The following CUX1 variants were observed in gnomAD, a reference collection of about 807,000 sequenced individuals.
CUX1 encodes the protein cut like homeobox 1.
In CUX1, 31 loss-of-function variants were observed where a neutral mutation model predicts 158.8. That is an observed-to-expected ratio of 0.20 (90% confidence interval 0.15 to 0.26). The LOEUF (loss-of-function observed/expected upper bound fraction) is 0.26, where lower values mean the gene tolerates loss of function less well. Ranked by LOEUF, CUX1 falls within the 10% of genes least tolerant of loss-of-function variation. The pLI, the probability that CUX1 is intolerant of heterozygous loss-of-function variation, is 1.00. For synonymous variants in CUX1, 879 were observed against 862.1 expected (o/e 1.02, Z -0.34); for missense variants, 1,589 against 2,014.6 (o/e 0.79, Z 4.04).
intron 8 of CUX1, among the ~76,000 whole-genome samples, chr7:102,133,711 G>A (rs1182520332): frequency 2.6e-5 from 4 of 151,854 alleles, no homozygotes; most frequent in African/African-American, 9.7e-5. Context: ...TCCTGACCTC[G>A]TGATCCACCC....
chr7:102,060,715 C>T (rs187009712), intron 3 of CUX1, among the ~76,000 whole-genome samples: 105 of 150,876 alleles, frequency 7.0e-4, no homozygotes, highest in Non-Finnish European at 5.2e-4. Flanking sequence ...TGGGTTCAAG[C>T]AATTCTCCTG....
chr7:101,974,231 C>T (rs1812372750), intron 2 of CUX1, among the ~76,000 whole-genome samples: 1 of 151,990 alleles, frequency 6.6e-6, no homozygotes, highest in Non-Finnish European at 1.5e-5. Flanking sequence ...GAATCAGACC[C>T]AAAAAGAACA....
chr7:101,935,503 A>G (rs1486689668), intron 2 of CUX1, among the ~76,000 whole-genome samples: 1 of 152,216 alleles, frequency 6.6e-6, no homozygotes, highest in Non-Finnish European at 1.5e-5. Flanking sequence ...GTGTCCTGCC[A>G]TCGGACATGC....
intron 2 of CUX1, among the ~76,000 whole-genome samples, chr7:101,949,021 G>A (rs189692868): frequency 8.4e-4 from 128 of 152,366 alleles, no homozygotes; most frequent in African/African-American, 3.0e-3. Context: ...TGACATCCAA[G>A]TGGCATTTTA....
chr7:102,016,904 C>CG (rs1172624640), intron 2 of CUX1, among the ~76,000 whole-genome samples: 1 of 152,172 alleles, frequency 6.6e-6, no homozygotes, highest in Non-Finnish European at 1.5e-5. Flanking sequence ...TGGCAAAAGT[C>CG]GGAGTCACAC....
At chr7:102,262,798 G>A (rs544206683), downstream of CUX1, among the ~76,000 whole-genome samples, 5 of 152,274 alleles carry the variant, frequency 3.3e-5, no homozygotes, top group Non-Finnish European at 7.4e-5. Flanking sequence ...TGCTTGCCGC[G>A]GGGTAGTATC....
At chr7:101,986,111 C>T (rs184802698) in intron 2 of CUX1, among the ~76,000 whole-genome samples, 1 of 152,290 alleles carries the variant, frequency 6.6e-6, no homozygotes, top group Admixed American at 6.5e-5. Context: ...CTGTAAAGAG[C>T]CCCTCACAGA....
chr7:102,051,832 T>A (rs2130102834), intron 3 of CUX1, among the ~76,000 whole-genome samples: 1 of 152,312 alleles, frequency 6.6e-6, no homozygotes, highest in Middle Eastern at 3.4e-3. Flanking sequence ...TTTGCTTTTC[T>A]TTTTACAATT....
intron 8 of CUX1, among the ~76,000 whole-genome samples, chr7:102,145,086 T>TAAAAA (rs59225537): frequency 2.5e-5 from 3 of 118,784 alleles, no homozygotes; most frequent in Non-Finnish European, 3.4e-5. Flanking sequence ...GACTCCGTCT[T>TAAAAA]AAAAAAAAAA....
chr7:102,235,137 T>G (rs1295428214), intron 22 of CUX1, among the ~76,000 whole-genome samples: 2 of 152,216 alleles, frequency 1.3e-5, no homozygotes, highest in African/African-American at 4.8e-5. Flanking sequence ...ATTCATGTTC[T>G]TCTTGCAGCC....
chr7:101,854,471 G>A (rs1455570746), intron 1 of CUX1, among the ~76,000 whole-genome samples: 2 of 152,100 alleles, frequency 1.3e-5, no homozygotes, highest in Non-Finnish European at 2.9e-5. Flanking sequence ...TCATTTAGGG[G>A]TTGGGCATCT....
intron 3 of CUX1, among the ~76,000 whole-genome samples, chr7:102,031,866 T>C (rs994746710): frequency 2.0e-5 from 3 of 152,002 alleles, no homozygotes; most frequent in Non-Finnish European, 4.4e-5. Context: ...GCACATTAAA[T>C]CTCTAGACAC....
At chr7:102,271,712 G>A (rs1016464264) in intron 14 of CUX1, among the ~76,000 whole-genome samples, 3 of 152,222 alleles carry the variant, frequency 2.0e-5, no homozygotes, top group Non-Finnish European at 4.4e-5. Context: ...GGACCCAGGG[G>A]CTCAGTGAAT....
chr7:102,155,068 C>T (rs577533254), intron 8 of CUX1, among the ~76,000 whole-genome samples: 25 of 152,288 alleles, frequency 1.6e-4, no homozygotes, highest in South Asian at 1.0e-3. Flanking sequence ...AGATGAGATA[C>T]GCAGGACCTA....
At chr7:101,949,263 C>G (rs1255201751) in intron 2 of CUX1, among the ~76,000 whole-genome samples, 1 of 152,022 alleles carries the variant, frequency 6.6e-6, no homozygotes, top group East Asian at 1.9e-4. Flanking sequence ...TCCCGAGTAG[C>G]TGGGACTACA....
intron 20 of CUX1, chr7:102,281,770 G>A: frequency 9.5e-7 from 1 of 1,057,784 alleles, no homozygotes; most frequent in Admixed American, 1.8e-5. Context: ...CCCTTTCTGT[G>A]AAGCCCAGGC....
intron 12 of CUX1, among the ~76,000 whole-genome samples, chr7:102,191,390 C>T (rs1025033036): frequency 2.0e-5 from 3 of 152,158 alleles, no homozygotes; most frequent in Admixed American, 6.5e-5. Flanking sequence ...TGAGCCACCA[C>T]CCCGGGCTAA....
intron 2 of CUX1, among the ~76,000 whole-genome samples, chr7:101,987,292 G>T (rs1177178151): frequency 1.3e-5 from 2 of 152,204 alleles, no homozygotes; most frequent in African/African-American, 2.4e-5. Context: ...CGCTCCTCTT[G>T]TCCTAATGTG....
At chr7:101,819,974 TG>T (rs767397239) in intron 1 of CUX1, among the ~76,000 whole-genome samples, 1 of 152,228 alleles carries the variant, frequency 6.6e-6, no homozygotes, top group African/African-American at 2.4e-5. Context: ...AAATGCAGTC[TG>T]GTGAACTGTG....
Sources: allele counts gnomAD v4.1 joint callset (sites outside exome capture counted in the v4.1 genomes callset), GRCh38; gene constraint gnomAD v4.1.1; transcripts MANE v1.5; gene names NCBI Gene and HGNC (gene_info 2026-07-23, HGNC 2026-07-21).